The following ALDH1L1 variants were observed in gnomAD, a reference collection of about 807,000 sequenced individuals.
ALDH1L1 encodes the protein cytosolic 10-formyltetrahydrofolate dehydrogenase.
In ALDH1L1, 68 loss-of-function variants were observed where a neutral mutation model predicts 101.1. The observed-to-expected ratio is 0.67, with a 90% CI of 0.55 to 0.82. The LOEUF (loss-of-function observed/expected upper bound fraction) is 0.82. ALDH1L1 is among the 40% of genes least tolerant of loss of function. The pLI, the probability that ALDH1L1 is intolerant of heterozygous loss-of-function variation, is 0.00. For missense variants in ALDH1L1, 1,087 were observed against 1,172.7 expected (o/e 0.93, Z 1.07); for synonymous variants, 486 against 470.8 (o/e 1.03, Z -0.42).
chr3:126,154,434 G>A (rs2080865592), intron 6 of ALDH1L1, 120 bp downstream of exon 6: 1 of 1,023,040 alleles, frequency 9.8e-7, no homozygotes. Flanking sequence ...CACCCAGTGG[G>A]AGTAGGGGCC....
At chr3:126,175,877 C>T (rs2081357277) in intron 1 of ALDH1L1, among the ~76,000 whole-genome samples, 1 of 152,098 alleles carries the variant, frequency 6.6e-6, no homozygotes, top group African/African-American at 2.4e-5. Context: ...GAAAAGTCTA[C>T]AGATTGGGAA....
chr3:126,175,176 G>A lies in ALDH1L1; in HGVS notation c.-24+5300C>T, dbSNP rs12493941. Among the ~76,000 whole-genome samples the A allele has an allele frequency of 2.5e-3, 385 of 152,136 alleles. 3 individuals carry two copies. Among genetic ancestry groups the A allele is most frequent in the Non-Finnish European group, 4.5e-3 (303 of 67,956 alleles). ...TGAAACAATCCCTTGAAAGTACAAC[G>A]TTCCAAAACTCACACAAAGAGAAAT... On this transcript the variant is annotated intron_variant, in intron 1 of 22. Coordinates refer to ENST00000393434, the MANE Select transcript of ALDH1L1 (RefSeq NM_012190.4).
chr3:126,144,386 G>A (rs2080630102), intron 9 of ALDH1L1, among the ~76,000 whole-genome samples: 1 of 152,150 alleles, frequency 6.6e-6, no homozygotes. Context: ...ACTATCAAGG[G>A]ACTGTGAATA....
intron 9 of ALDH1L1, among the ~76,000 whole-genome samples, chr3:126,138,820 CAAG>C (rs2080507225): frequency 6.6e-6 from 1 of 152,210 alleles, no homozygotes; most frequent in African/African-American, 2.4e-5. Context: ...GATGGCAGAA[CAAG>C]AAGCTCCAAA....
intron 12 of ALDH1L1, among the ~76,000 whole-genome samples, chr3:126,133,653 C>T (rs1312196452): frequency 3.3e-5 from 5 of 152,234 alleles, no homozygotes; most frequent in Non-Finnish European, 7.3e-5. Context: ...GCTGAATTCA[C>T]ACCCTGGCAC....
rs542215630 is a variant in ALDH1L1, at chr3:126,168,890, A to C, written c.-23-7888T>G. 2.2e-4 allele frequency among the ~76,000 whole-genome samples: 34 copies of C among 152,326 alleles called. 1 individual carries two copies. Among genetic ancestry groups the C allele is most frequent in the African/African-American group, 7.7e-4 (32 of 41,582 alleles). Reference sequence around the variant, plus strand: ...ATGTTGGGTTATTGTAAACCACAAAAACAACCACATTTCTTTGTCAATTGT... The same window carrying C: ...ATGTTGGGTTATTGTAAACCACAAACACAACCACATTTCTTTGTCAATTGT... On this transcript the variant is annotated intron_variant, in intron 1 of 22. Coordinates refer to ENST00000393434, the MANE Select transcript of ALDH1L1 (RefSeq NM_012190.4).
At chr3:126,132,745 C>T (rs943307300) in intron 12 of ALDH1L1, among the ~76,000 whole-genome samples, 95 of 152,284 alleles carry the variant, frequency 6.2e-4, no homozygotes, top group East Asian at 3.9e-4. Context: ...TTTCTTCACT[C>T]CCCCACCACT....
chr3:126,159,755 G>A (rs574361997), intron 2 of ALDH1L1, among the ~76,000 whole-genome samples: 7 of 152,318 alleles, frequency 4.6e-5, no homozygotes, highest in African/African-American at 1.4e-4. Flanking sequence ...GTGGCTGGGT[G>A]TAGGACCCAG....
chr3:126,127,421 A>G (rs1263142305), intron 14 of ALDH1L1, among the ~76,000 whole-genome samples: 2 of 152,016 alleles, frequency 1.3e-5, no homozygotes, highest in African/African-American at 4.8e-5. Context: ...CCTTGGGGCC[A>G]TTCTCCTGCT....
chr3:126,145,855 A>G (rs1372321850), intron 9 of ALDH1L1, among the ~76,000 whole-genome samples: 4 of 152,230 alleles, frequency 2.6e-5, no homozygotes, highest in African/African-American at 7.2e-5. Context: ...TTAAAAGGAC[A>G]TATACTCTTA....
chr3:126,150,328 T>C, intron 8 of ALDH1L1, 78 bp downstream of exon 8: 1 of 1,514,594 alleles, frequency 6.6e-7, no homozygotes, highest in African/African-American at 1.4e-5. Context: ...TGCCCAACTC[T>C]GGGGAGTGTG....
At chr3:126,192,073 G>T (rs1447784722) in intron 1 of ALDH1L1, among the ~76,000 whole-genome samples, 2 of 152,148 alleles carry the variant, frequency 1.3e-5, no homozygotes, top group Non-Finnish European at 2.9e-5. Flanking sequence ...CTGGACAGGG[G>T]CTTATGACTG....
chr3:126,170,673 TC>T (rs1358081773), intron 1 of ALDH1L1, among the ~76,000 whole-genome samples: 1 of 152,142 alleles, frequency 6.6e-6, no homozygotes, highest in African/African-American at 2.4e-5. Context: ...AAAGAACATG[TC>T]CCCTCTTGTC....
Position 126,161,922 on chromosome 3 carries a change from A to C in ALDH1L1, c.-23-920T>G, listed in dbSNP as rs144416249. On this transcript the variant is annotated intron_variant, in intron 1 of 22. Coordinates refer to ENST00000393434, the MANE Select transcript of ALDH1L1 (RefSeq NM_012190.4). ...ATGATGGGACTTCTAACAGCATCGA[A>C]TGGTTTCGCTTGATATATATATATA... is the stretch of plus-strand genomic sequence containing the variant. Among the ~76,000 whole-genome samples, 620 of 123,382 alleles carry C rather than the reference A, an allele frequency of 5.0e-3. 5 individuals carry two copies. The highest frequency in any genetic ancestry group is 0.016 in the African/African-American group (531 of 32,700). The allele number at this position is 123,382 out of a possible 152,430, so 80.9% of individuals were successfully genotyped here. A position where few individuals can be genotyped will look rare whatever the true frequency, so the allele number is the denominator to read the frequency against.
chr3:126,194,919 C>G (rs2081573895), intron 1 of ALDH1L1, among the ~76,000 whole-genome samples: 1 of 152,006 alleles, frequency 6.6e-6, no homozygotes, highest in Admixed American at 6.6e-5. Flanking sequence ...TTTCATGAAT[C>G]CTTTCACAAT....
At chr3:126,121,478 C>T (rs1287224817) in intron 16 of ALDH1L1, among the ~76,000 whole-genome samples, 1 of 152,132 alleles carries the variant, frequency 6.6e-6, no homozygotes, top group Non-Finnish European at 1.5e-5. Context: ...ACCAAAACTA[C>T]AACTATATGA....
At chr3:126,195,950 C>T (rs144065412) in intron 1 of ALDH1L1, among the ~76,000 whole-genome samples, 10 of 152,030 alleles carry the variant, frequency 6.6e-5, no homozygotes, top group African/African-American at 2.2e-4. Flanking sequence ...CATCACACAC[C>T]GGGGCCTGTC....
At chr3:126,164,112 C>T (rs2081115644) in intron 1 of ALDH1L1, among the ~76,000 whole-genome samples, 1 of 151,242 alleles carries the variant, frequency 6.6e-6, no homozygotes, top group African/African-American at 2.4e-5. Flanking sequence ...GCCTGGGCAA[C>T]AGAGTGAGAC....
At chr3:126,146,998 C>T in intron 8 of ALDH1L1, 72 bp from the exon 9 acceptor site, 1 of 1,435,234 alleles carries the variant, frequency 7.0e-7, no homozygotes, top group Admixed American at 2.0e-5. Flanking sequence ...GGACAACAAC[C>T]CCTGAACAGA....
Sources: allele counts gnomAD v4.1 joint callset (sites outside exome capture counted in the v4.1 genomes callset), GRCh38; gene constraint gnomAD v4.1.1; transcripts MANE v1.5; gene names NCBI Gene and HGNC (gene_info 2026-07-23, HGNC 2026-07-21).